Variants in CERS3 observed in about 807,000 individuals in gnomAD.
The protein encoded by CERS3 is LAG1 homolog, ceramide synthase 3.
Under a neutral mutation model 50.3 loss-of-function variants are expected in CERS3, and 33 were observed. The ratio of observed to expected loss-of-function variants is 0.66; its 90% CI spans 0.50 to 0.88. The LOEUF (loss-of-function observed/expected upper bound fraction) is 0.88, where lower values mean the gene tolerates loss of function less well. Among genes scored for constraint, CERS3 ranks in the 40% least tolerant of loss-of-function variants. The probability of loss-of-function intolerance (pLI) is 0.00; values close to 1 mark genes in which losing one functional copy is unlikely to be tolerated. For missense variants in CERS3, 470 were observed against 460.3 expected (o/e 1.02, Z -0.19); for synonymous variants, 176 against 155.2 (o/e 1.13, Z -0.99).
At chr15:100,511,764 G>T (rs551673429) in intron 2 of CERS3, among the ~76,000 whole-genome samples, 1 of 18,344 alleles carries the variant, frequency 5.5e-5, no homozygotes, top group African/African-American at 1.0e-4. Flanking sequence ...AGTCCACTGG[G>T]AGCCTGGTTT....
chr15:100,413,447 T>C (rs1212325330), intron 11 of CERS3, among the ~76,000 whole-genome samples: 1 of 151,726 alleles, frequency 6.6e-6, no homozygotes, highest in Non-Finnish European at 1.5e-5. Flanking sequence ...AGAAACCGAA[T>C]GTGATAGAAA....
At chr15:100,541,750 A>G (rs12438029) in intron 1 of CERS3, among the ~76,000 whole-genome samples, 75,802 of 151,750 alleles carry the variant, frequency 0.5, 19,236 homozygotes, top group South Asian at 0.59. Flanking sequence ...AAAAAATGGA[A>G]TAAAAATTAA....
At chr15:100,476,461 G>A (rs144873526) in intron 7 of CERS3, among the ~76,000 whole-genome samples, 25 of 152,246 alleles carry the variant, frequency 1.6e-4, no homozygotes, top group Admixed American at 7.2e-4. Flanking sequence ...TTTATTCAGA[G>A]TCAAGTTTAA....
intron 1 of CERS3, among the ~76,000 whole-genome samples, chr15:100,535,009 C>A (rs1327462714): frequency 1.3e-5 from 2 of 152,200 alleles, no homozygotes; most frequent in East Asian, 3.9e-4. Flanking sequence ...GTACATCTTA[C>A]ATGTGTTGAT....
intron 11 of CERS3, among the ~76,000 whole-genome samples, chr15:100,433,091 C>T (rs1251843255): frequency 6.6e-6 from 1 of 151,908 alleles, no homozygotes; most frequent in Non-Finnish European, 1.5e-5. Flanking sequence ...AAAGAATCAG[C>T]CAGGTGTGGT....
At chr15:100,519,495 G>A (rs1282927694) in intron 2 of CERS3, among the ~76,000 whole-genome samples, 1 of 152,160 alleles carries the variant, frequency 6.6e-6, no homozygotes, top group Non-Finnish European at 1.5e-5. Flanking sequence ...GCTACTCCCT[G>A]GAATATACAT....
At chr15:100,409,298 A>G (rs2031293972) in intron 11 of CERS3, among the ~76,000 whole-genome samples, 1 of 152,208 alleles carries the variant, frequency 6.6e-6, no homozygotes, top group Non-Finnish European at 1.5e-5. Context: ...GACATGTTCT[A>G]CATTCTATTT....
At chr15:100,532,629 G>A (rs2036965574), upstream of CERS3, among the ~76,000 whole-genome samples, 1 of 151,956 alleles carries the variant, frequency 6.6e-6, no homozygotes, top group Admixed American at 6.6e-5. Flanking sequence ...AGCTGGGTAT[G>A]GTAGCTGTGA....
rs532447044 is a variant in CERS3, at chr15:100,521,153, G to A, written c.-2+514C>T. Among the ~76,000 whole-genome samples the A allele has an allele frequency of 2.6e-5, 4 of 152,244 alleles. No individual in the cohort carries two copies. The South Asian group carries it at 6.2e-4, about 24-fold the overall frequency. On this transcript the variant is annotated intron_variant, in intron 2 of 11. Coordinates refer to ENST00000679737, the MANE Select transcript of CERS3 (RefSeq NM_001378789.1). The stretch of plus-strand genomic sequence containing the variant: ...TAAAAGTGCAACTCCTCCCCTCTAC[G>A]TTACCTGACTTTGCCTTTCATCAAG...
chr15:100,417,621 G>C (rs11533746), intron 11 of CERS3, among the ~76,000 whole-genome samples: 85,767 of 151,574 alleles, frequency 0.57, 24,650 homozygotes, highest in Non-Finnish European at 0.6. Context: ...CTCCACCTCT[G>C]GGGGCAGGGC....
intron 4 of CERS3, among the ~76,000 whole-genome samples, chr15:100,485,119 G>A (rs983052234): frequency 7.9e-5 from 12 of 152,270 alleles, no homozygotes; most frequent in East Asian, 1.9e-4. Flanking sequence ...AAGTGTGGAC[G>A]AGAACTTAGG....
At chr15:100,488,449 C>T (rs1019151879) in intron 4 of CERS3, among the ~76,000 whole-genome samples, 4 of 152,172 alleles carry the variant, frequency 2.6e-5, no homozygotes, top group Non-Finnish European at 5.9e-5. Context: ...CACCCAGCAA[C>T]TTGTCTTATT....
intron 11 of CERS3, among the ~76,000 whole-genome samples, chr15:100,434,822 G>A (rs58671886): frequency 0.096 from 14,571 of 152,266 alleles, 953 homozygotes; most frequent in East Asian, 0.36. Flanking sequence ...GTGTGTGTGC[G>A]TCTGTTTCTC....
chr15:100,401,143 T>C lies in CERS3; in HGVS notation c.*1570A>G, dbSNP rs2030492066. The C allele has an allele frequency of 6.6e-6, 1 of 152,228 alleles. No homozygotes were observed. The highest frequency in any genetic ancestry group is 2.4e-5 in the African/African-American group (1 of 41,448). The allele number at this position is 152,228 out of a possible 1,614,324, so 9.4% of individuals were successfully genotyped here. On this transcript the variant is annotated 3_prime_UTR_variant, in exon 12 of 12. Transcript: ENST00000679737. ...CTGCAGCTGCTCTGCTTGGGGCTGA[T>C]TTTCCAGTCCCTACAAGCCGACCTC...
chr15:100,529,010 G>C (rs991244223), upstream of CERS3: 19 of 152,194 alleles, frequency 1.2e-4, no homozygotes, highest in African/African-American at 4.6e-4. Flanking sequence ...TCAGTGACGT[G>C]AGGCGAAGCT....
intron 5 of CERS3, among the ~76,000 whole-genome samples, chr15:100,484,302 G>A (rs1259727445): frequency 3.9e-5 from 6 of 152,206 alleles, no homozygotes; most frequent in Non-Finnish European, 7.3e-5. Context: ...AGTTCATAGT[G>A]TGGGAGTCTG....
intron 11 of CERS3, among the ~76,000 whole-genome samples, chr15:100,435,232 C>G (rs1358870590): frequency 6.6e-6 from 1 of 152,192 alleles, no homozygotes; most frequent in East Asian, 1.9e-4. Flanking sequence ...AGAACTTTAG[C>G]ACACTGGAGC....
chr15:100,447,180 C>T (rs904445909), intron 11 of CERS3, among the ~76,000 whole-genome samples: 7 of 152,196 alleles, frequency 4.6e-5, no homozygotes, highest in African/African-American at 1.4e-4. Flanking sequence ...CATAACAGCA[C>T]TGAAGTCAGC....
intron 4 of CERS3, among the ~76,000 whole-genome samples, chr15:100,485,461 G>A (rs1217328248): frequency 6.6e-6 from 1 of 152,110 alleles, no homozygotes; most frequent in African/African-American, 2.4e-5. Context: ...GTTTCACAGT[G>A]GGATTTTAAC....
Sources: gnomAD v4.1 joint callset for allele counts (sites outside exome capture counted in the v4.1 genomes callset) on GRCh38, gnomAD v4.1.1 for gene constraint, MANE v1.5 for transcripts, NCBI Gene and HGNC (gene_info 2026-07-23, HGNC 2026-07-21) for gene names.